Variants in HS3ST2 observed in about 807,000 individuals in gnomAD.
HS3ST2 encodes the protein heparan sulfate-glucosamine 3-sulfotransferase 2, also known as heparan sulfate glucosamine 3-O-sulfotransferase 2.
A neutral mutation model predicts 26.3 loss-of-function variants in HS3ST2; 17 were observed. The observed-to-expected ratio is 0.65, with a 90% confidence interval of 0.44 to 0.97. The LOEUF (loss-of-function observed/expected upper bound fraction) is 0.97. Ranked by LOEUF, HS3ST2 falls within the 50% of genes least tolerant of loss-of-function variation. The pLI is 0.00. For synonymous variants in HS3ST2, 237 were observed against 219.2 expected (o/e 1.08, Z -0.72); for missense variants, 402 against 501.2 (o/e 0.80, Z 1.89).
rs1009609041 is a variant in HS3ST2 at position 22,822,626 on chromosome 16, G to C, written c.485+7531G>C. Among the ~76,000 whole-genome samples, 125 of 152,172 alleles carry C rather than the reference G, an allele frequency of 8.2e-4. 2 individuals carry two copies. The highest frequency in any genetic ancestry group is 4.0e-3 in the Admixed American group (61 of 15,274). Reference sequence around the variant, plus strand: ...CCCAGCACTTTGGGAGGCCAAGGCAGGTGGATCACCTGAGGTCAGGAGTTT... The same window carrying C: ...CCCAGCACTTTGGGAGGCCAAGGCACGTGGATCACCTGAGGTCAGGAGTTT... On this transcript the variant is annotated intron_variant, in intron 1 of 1. Coordinates refer to ENST00000261374, the MANE Select transcript of HS3ST2 (RefSeq NM_006043.2).
At chr16:22,910,617 G>T (rs1020107010) in intron 1 of HS3ST2, among the ~76,000 whole-genome samples, 1 of 151,912 alleles carries the variant, frequency 6.6e-6, no homozygotes, top group Non-Finnish European at 1.5e-5. Flanking sequence ...TTTTTTAATT[G>T]TCTACTCAAT....
intron 1 of HS3ST2, among the ~76,000 whole-genome samples, chr16:22,862,446 A>G (rs1423640541): frequency 1.3e-5 from 2 of 152,186 alleles, no homozygotes; most frequent in African/African-American, 2.4e-5. Flanking sequence ...GCTGTTCAAT[A>G]TAGTCATGTT....
intron 1 of HS3ST2, among the ~76,000 whole-genome samples, chr16:22,885,288 T>G (rs1159535471): frequency 2.0e-5 from 3 of 151,954 alleles, no homozygotes; most frequent in Non-Finnish European, 4.4e-5. Context: ...ATCTTTCAGA[T>G]GTCAATGCAA....
chr16:22,852,815 C>T (rs977654445), intron 1 of HS3ST2, among the ~76,000 whole-genome samples: 3 of 152,192 alleles, frequency 2.0e-5, no homozygotes, highest in African/African-American at 7.2e-5. Context: ...GAACCGAATT[C>T]ATTCTGTACT....
chr16:22,881,428 G>A (rs984649702), intron 1 of HS3ST2, among the ~76,000 whole-genome samples: 28 of 152,086 alleles, frequency 1.8e-4, no homozygotes, highest in Non-Finnish European at 7.4e-5. Context: ...CTTCTTGCTC[G>A]GTCTCTACCC....
intron 1 of HS3ST2, among the ~76,000 whole-genome samples, chr16:22,820,496 T>A (rs762496612): frequency 1.3e-5 from 2 of 152,136 alleles, no homozygotes; most frequent in African/African-American, 2.4e-5. Flanking sequence ...TGAGGAGGCC[T>A]CACAATCATG....
intron 1 of HS3ST2, among the ~76,000 whole-genome samples, chr16:22,853,653 T>C (rs1423050455): frequency 6.6e-6 from 1 of 152,158 alleles, no homozygotes; most frequent in Non-Finnish European, 1.5e-5. Context: ...GAGATGGGCC[T>C]GAAGGTGCCA....
intron 1 of HS3ST2, among the ~76,000 whole-genome samples, chr16:22,857,059 A>G (rs180781813): frequency 1.3e-3 from 193 of 152,186 alleles, no homozygotes; most frequent in African/African-American, 4.6e-3. Flanking sequence ...CTTTCCAGCA[A>G]CCCCACAGAT....
chr16:22,866,262 A>G (rs1445920652), intron 1 of HS3ST2, among the ~76,000 whole-genome samples: 1 of 152,070 alleles, frequency 6.6e-6, no homozygotes, highest in African/African-American at 2.4e-5. Context: ...CCAACTGACA[A>G]CCTGCTGGAA....
chr16:22,848,735 A>G (rs1901480092), intron 1 of HS3ST2, among the ~76,000 whole-genome samples: 1 of 151,980 alleles, frequency 6.6e-6, no homozygotes, highest in African/African-American at 2.4e-5. Context: ...ATTCAAGTTG[A>G]TTTCTCTCTC....
At chr16:22,845,587 G>A (rs919306395) in intron 1 of HS3ST2, among the ~76,000 whole-genome samples, 1 of 151,834 alleles carries the variant, frequency 6.6e-6, no homozygotes, top group Non-Finnish European at 1.5e-5. Context: ...TCCTGACCTC[G>A]TGATCTGCCT....
At chr16:22,906,680 A>G (rs1202150540) in intron 1 of HS3ST2, among the ~76,000 whole-genome samples, 2 of 152,354 alleles carry the variant, frequency 1.3e-5, no homozygotes, top group African/African-American at 4.8e-5. Context: ...CGTGAGCCAG[A>G]GCCCCTGTGG....
chr16:22,843,236 A>G (rs9927297), intron 1 of HS3ST2, among the ~76,000 whole-genome samples: 2,829 of 152,110 alleles, frequency 0.019, 76 homozygotes, highest in African/African-American at 0.061. Flanking sequence ...GTGGCTCTAC[A>G]TTTTGCTTCT....
chr16:22,910,316 T>A (rs1488962224), intron 1 of HS3ST2, among the ~76,000 whole-genome samples: 1 of 152,214 alleles, frequency 6.6e-6, no homozygotes, highest in Admixed American at 6.5e-5. Flanking sequence ...GTCAAGTCAA[T>A]TTCCTTGTGC....
chr16:22,818,772 CCCT>C, intron 1 of HS3ST2, among the ~76,000 whole-genome samples: 1 of 40,620 alleles, frequency 2.5e-5, no homozygotes, highest in Non-Finnish European at 4.3e-5. Flanking sequence ...TTCCTTCCTT[CCCT>C]CCTTCCTTCC....
chr16:22,888,008 T>G (rs1168990845), intron 1 of HS3ST2, among the ~76,000 whole-genome samples: 2 of 152,178 alleles, frequency 1.3e-5, no homozygotes, highest in Non-Finnish European at 2.9e-5. Context: ...GCTTTCTTGT[T>G]CTTCAGTTGG....
intron 1 of HS3ST2, among the ~76,000 whole-genome samples, chr16:22,818,167 G>GGTAA (rs1371749760): frequency 1.3e-5 from 2 of 152,266 alleles, no homozygotes; most frequent in Admixed American, 1.3e-4. Flanking sequence ...TCCTCCCCGA[G>GGTAA]GTAAGAGCTG....
At chr16:22,913,144 AAGGAAGGGAGGGAGGG>A (rs1335962720) in intron 1 of HS3ST2, among the ~76,000 whole-genome samples, 5 of 95,664 alleles carry the variant, frequency 5.2e-5, no homozygotes, top group African/African-American at 9.6e-5. Context: ...GGAAGGAAGG[AAGGAAGGGAGGGAGGG>A]AGGGAGGGAG....
intron 1 of HS3ST2, among the ~76,000 whole-genome samples, chr16:22,867,664 C>T (rs1242576441): frequency 6.6e-6 from 1 of 152,132 alleles, no homozygotes; most frequent in Non-Finnish European, 1.5e-5. Context: ...ATAATGATAG[C>T]ATTTTTTGCA....
Sources: allele counts gnomAD v4.1 joint callset (sites outside exome capture counted in the v4.1 genomes callset), GRCh38; gene constraint gnomAD v4.1.1; transcripts MANE v1.5; gene names NCBI Gene and HGNC (gene_info 2026-07-23, HGNC 2026-07-21).